LOXHD1: variants seen among roughly 807,000 people sequenced by gnomAD.
The protein encoded by LOXHD1 is lipoxygenase homology domain-containing protein 1.
LOXHD1 carries 205 observed loss-of-function variants against 248.2 expected under a neutral mutation model. The observed-to-expected ratio is 0.83, with a 90% CI of 0.74 to 0.93. LOXHD1 has a LOEUF of 0.93. Ranked by LOEUF, LOXHD1 falls within the 40% of genes least tolerant of loss-of-function variation. The pLI is 0.00. For synonymous variants in LOXHD1, 1,113 were observed against 1,162.8 expected (o/e 0.96, Z 0.87); for missense variants, 2,930 against 2,971.6 (o/e 0.99, Z 0.33).
At chr18:46,540,974 T>C (rs2036535748) in intron 25 of LOXHD1, among the ~76,000 whole-genome samples, 1 of 152,216 alleles carries the variant, frequency 6.6e-6, no homozygotes, top group Admixed American at 6.5e-5. Context: ...GTATGAGTTG[T>C]TTGGGGGAAA....
At chr18:46,602,495 C>T (rs574753952) in intron 7 of LOXHD1, among the ~76,000 whole-genome samples, 1 of 152,200 alleles carries the variant, frequency 6.6e-6, no homozygotes, top group East Asian at 1.9e-4. Context: ...CATGAGACAC[C>T]ATGCCTGGCC....
chr18:46,649,615 T>C (rs925950619), intron 1 of LOXHD1, among the ~76,000 whole-genome samples: 1 of 152,126 alleles, frequency 6.6e-6, no homozygotes, highest in Admixed American at 6.5e-5. Context: ...CATGGCCTTC[T>C]TCAGAGCCTG....
chr18:46,656,722 C>A (rs989564279), intron 1 of LOXHD1, among the ~76,000 whole-genome samples, 182 bp downstream of exon 1: 1 of 152,162 alleles, frequency 6.6e-6, no homozygotes, highest in Admixed American at 6.5e-5. Flanking sequence ...ACAACAGGGA[C>A]CCCACCATCC....
chr18:46,538,310 G>C lies in LOXHD1; in HGVS notation c.3941C>G (p.Thr1314Ser), dbSNP rs182125538. The C allele has an allele frequency of 6.4e-7, 1 of 1,550,802 alleles. No homozygotes were observed. The highest frequency in any genetic ancestry group is 8.7e-7 in the Non-Finnish European group (1 of 1,146,148). ...TGTCCCAGCAGCAAAGACATCACTG[G>C]TGTAGAGGGTGATCTCGTAAGGAAC... is the stretch of plus-strand genomic sequence containing the variant. ...PFVPYEITLY[T>S]SDVFAAGTDA... Residue 1314 changes from threonine to serine, a missense_variant, in exon 26 of 41, where the codon ACC (threonine) becomes AGC (serine). Coordinates refer to ENST00000642948, the MANE Select transcript of LOXHD1 (RefSeq NM_001384474.1).
intron 37 of LOXHD1, among the ~76,000 whole-genome samples, chr18:46,494,939 C>T (rs1280812940): frequency 1.3e-5 from 2 of 149,126 alleles, no homozygotes; most frequent in African/African-American, 4.9e-5. Flanking sequence ...CTGCAAGCTC[C>T]GCCTCCCGGG....
chr18:46,631,339 C>A (rs2038819573), intron 4 of LOXHD1, among the ~76,000 whole-genome samples: 2 of 152,218 alleles, frequency 1.3e-5, no homozygotes, highest in Admixed American at 6.5e-5. Flanking sequence ...CTTGGTGGCT[C>A]ATCTTGGTGG....
At chr18:46,540,789 CGCCT>C (rs1326783817) in intron 25 of LOXHD1, among the ~76,000 whole-genome samples, 1 of 150,472 alleles carries the variant, frequency 6.6e-6, no homozygotes, top group Admixed American at 6.8e-5. Context: ...AGTCTGTCCT[CGCCT>C]GCAGGTGACT....
chr18:46,498,635 C>T (rs549156198), intron 37 of LOXHD1, among the ~76,000 whole-genome samples: 1 of 152,182 alleles, frequency 6.6e-6, no homozygotes, highest in South Asian at 2.1e-4. Flanking sequence ...CCAATCTCTA[C>T]CTCCATCTTC....
At chr18:46,489,240 A>C (rs1209659158) in intron 37 of LOXHD1, 98 bp from the exon 38 acceptor site, 2 of 1,307,314 alleles carry the variant, frequency 1.5e-6, no homozygotes, top group Non-Finnish European at 2.1e-6. Context: ...GTGGCCCTGG[A>C]CAAGTTATCT....
rs1048708341 is a variant in LOXHD1 at position 46,577,861 on chromosome 18, C to T, written c.1816G>A (p.Glu606Lys). Residue 606 changes from glutamate to lysine, a missense_variant, in exon 14 of 41, where the codon GAG becomes AAG. Glu to Lys is a moderately conservative substitution (Grantham distance 56). Coordinates refer to ENST00000642948, the MANE Select transcript of LOXHD1 (RefSeq NM_001384474.1). ...ATGGTGACAGACTCGATAGTGAACTCGTCAGCCTTGTGGGGGGAAACCACA... is the reference window on the plus strand; with the variant it reads ...ATGGTGACAGACTCGATAGTGAACTTGTCAGCCTTGTGGGGGGAAACCACA... ...TDLFEKGNAD[E>K]FTIESVTMRN... 1.7e-5 allele frequency: 27 copies of T among 1,551,556 alleles called. No homozygotes were observed. Among genetic ancestry groups the T allele is most frequent in the East Asian group, 2.4e-5 (1 of 40,932 alleles).
intron 21 of LOXHD1, 81 bp from the exon 22 acceptor site, chr18:46,547,139 G>A (rs2036883868): frequency 2.7e-5 from 40 of 1,477,862 alleles, no homozygotes; most frequent in Non-Finnish European, 3.7e-5. Flanking sequence ...GAGAATGAGA[G>A]GCCCTCTATG....
At chr18:46,610,990 T>G in intron 5 of LOXHD1, 66 bp from the exon 6 acceptor site, 3 of 1,526,740 alleles carry the variant, frequency 2.0e-6, no homozygotes, top group Non-Finnish European at 2.6e-6. Context: ...CAAGCCTTCA[T>G]GGTCCGCCCA....
At chr18:46,482,160 G>A (rs1355438842) in intron 40 of LOXHD1, among the ~76,000 whole-genome samples, 1 of 152,180 alleles carries the variant, frequency 6.6e-6, no homozygotes, top group Non-Finnish European at 1.5e-5. Flanking sequence ...CTTGAGCTGG[G>A]CTTTCTCTAA....
At chr18:46,558,963 C>T (rs1354561397) in intron 20 of LOXHD1, 1 of 415,580 alleles carries the variant, frequency 2.4e-6, no homozygotes, top group African/African-American at 2.0e-5. Flanking sequence ...CTGGAAGACA[C>T]ACTGTCCTAA....
chr18:46,510,326 T>C (rs2034881916), intron 34 of LOXHD1, among the ~76,000 whole-genome samples: 1 of 152,274 alleles, frequency 6.6e-6, no homozygotes, highest in African/African-American at 2.4e-5. Flanking sequence ...CATTTTTCTA[T>C]TTGCCATCTG....
In LOXHD1 at chr18:46,601,253, G is replaced by A; in HGVS notation, c.1098C>T (p.Gly366=). 1 of 1,551,664 alleles carries A rather than the reference G, an allele frequency of 6.4e-7. No individual in the cohort carries two copies. Among genetic ancestry groups the A allele is most frequent in the Non-Finnish European group, 8.7e-7 (1 of 1,146,976 alleles). Reference sequence around the variant, plus strand: ...ACCAGCCTCTGTTGACACCCACATTGCCATGCCCGACGGAGACCCGACTCA... The same window carrying A: ...ACCAGCCTCTGTTGACACCCACATTACCATGCCCGACGGAGACCCGACTCA... ...SPLSRVSVGH[G]NVGVNRGWFC... is the part of the protein sequence containing the mutation. The change falls in exon 8 of 41, where the codon GGC becomes GGT. Residue 366 remains glycine (G), a synonymous_variant. Transcript: ENST00000642948.
intron 12 of LOXHD1, among the ~76,000 whole-genome samples, chr18:46,583,704 G>T (rs1292412638): frequency 3.3e-5 from 5 of 152,144 alleles, no homozygotes; most frequent in African/African-American, 1.2e-4. Context: ...TGGCAAGGAT[G>T]CAGAGAAAAG....
At chr18:46,553,425 T>A (rs11663672) in intron 21 of LOXHD1, among the ~76,000 whole-genome samples, 24,353 of 152,214 alleles carry the variant, frequency 0.16, 2,108 homozygotes, top group South Asian at 0.26. Flanking sequence ...ACCTAAATCA[T>A]CAGCCTCCTA....
At position 46,533,192 on chromosome 18, in the gene LOXHD1, C is replaced by T; in HGVS notation, c.4345G>A (p.Val1449Ile). 1.3e-6 allele frequency: 2 copies of T among 1,551,750 alleles called. No individual in the cohort carries two copies. Among genetic ancestry groups the T allele is most frequent in the South Asian group, 2.4e-5 (2 of 84,062 alleles). ...KYMKDGSLRQ[V>I]YKEVEEPLDI... Reference sequence around the variant, plus strand: ...AGAGGCTCTTCTACTTCCTTGTAGACTTGCCGTAAGGACCCATCTTTCATG... The same window carrying T: ...AGAGGCTCTTCTACTTCCTTGTAGATTTGCCGTAAGGACCCATCTTTCATG... Residue 1449 changes from valine to isoleucine, a missense_variant, in exon 28 of 41, where the codon GTC becomes ATC. Coordinates refer to ENST00000642948, the MANE Select transcript of LOXHD1 (RefSeq NM_001384474.1).
Sources: allele counts gnomAD v4.1 joint callset (sites outside exome capture counted in the v4.1 genomes callset), GRCh38; gene constraint gnomAD v4.1.1; transcripts MANE v1.5; gene names NCBI Gene and HGNC (gene_info 2026-07-23, HGNC 2026-07-21).